The following RNF214 variants were observed in gnomAD, a reference collection of about 807,000 sequenced individuals.
RNF214 encodes the protein ring finger protein 214.
In RNF214, 25 loss-of-function variants were observed where a neutral mutation model predicts 75.9. That is an observed-to-expected ratio of 0.33 (90% CI 0.24 to 0.46). The LOEUF is 0.46. Among genes scored for constraint, RNF214 ranks in the 20% least tolerant of loss-of-function variants. The probability of loss-of-function intolerance (pLI) is 1.00; values close to 1 mark genes in which losing one functional copy is unlikely to be tolerated. For synonymous variants in RNF214, 314 were observed against 308.8 expected, an observed-to-expected ratio of 1.02 and a Z score of -0.18; for missense variants, 725 against 857.5, an observed-to-expected ratio of 0.85 and a Z score of 1.93.
intron 6 of RNF214, among the ~76,000 whole-genome samples, chr11:117,266,162 C>T (rs1565342287): frequency 6.6e-6 from 1 of 152,108 alleles, no homozygotes; most frequent in Non-Finnish European, 1.5e-5. Flanking sequence ...GGACAATTCA[C>T]ATTCTCTTTC....
intron 6 of RNF214, among the ~76,000 whole-genome samples, chr11:117,277,981 A>G (rs992932109): frequency 2.0e-5 from 3 of 151,860 alleles, no homozygotes; most frequent in African/African-American, 7.3e-5. Context: ...CTCAAAAAAA[A>G]AAAAAGAAAA....
chr11:117,244,481 C>T lies in RNF214; in HGVS notation c.715C>T (p.Arg239Cys), dbSNP rs1235079855. ...GACAGAGAGAACCCTGTTGAAAGAG[C>T]GTTACCAGGAGGTCCTGGACAAACA... ...MMTERTLLKE[R>C]YQEVLDKQRQ... Residue 239 changes from arginine (R) to cysteine (C), a missense_variant, in exon 5 of 15, where the codon CGT (arginine) becomes TGT (cysteine). Arg to Cys is a radical substitution (Grantham distance 180). This residue lies in a region of RNF214 where 362 missense variants were observed against 344.5 expected (regional missense o/e 1.05). Transcript: ENST00000300650. 9 of 1,611,432 alleles carry T rather than the reference C, an allele frequency of 5.6e-6. No homozygotes were observed. The highest frequency in any genetic ancestry group is 4.5e-5 in the East Asian group (2 of 44,820).
intron 6 of RNF214, among the ~76,000 whole-genome samples, chr11:117,272,575 G>A (rs1345342549): frequency 1.3e-5 from 2 of 151,632 alleles, no homozygotes. Flanking sequence ...TACATATTCT[G>A]CACTAGTATT....
chr11:117,258,673 A>T (rs2033585929), intron 6 of RNF214, among the ~76,000 whole-genome samples: 1 of 152,076 alleles, frequency 6.6e-6, no homozygotes, highest in African/African-American at 2.4e-5. Flanking sequence ...AGTTTTGACA[A>T]ATGTATGCAC....
chr11:117,251,771 G>A (rs905840549), intron 6 of RNF214, among the ~76,000 whole-genome samples: 1 of 152,198 alleles, frequency 6.6e-6, no homozygotes, highest in African/African-American at 2.4e-5. Flanking sequence ...CTTTTATACT[G>A]TGTTAAGGAG....
intron 6 of RNF214, among the ~76,000 whole-genome samples, chr11:117,256,220 C>G (rs1419736930): frequency 6.6e-6 from 1 of 152,208 alleles, no homozygotes; most frequent in Non-Finnish European, 1.5e-5. Flanking sequence ...CATAACACTT[C>G]TTCGTGGCCT....
chr11:117,240,611 C>A (rs1250843222), intron 4 of RNF214, among the ~76,000 whole-genome samples: 1 of 151,624 alleles, frequency 6.6e-6, no homozygotes, highest in Non-Finnish European at 1.5e-5. Context: ...TGGCTTGAAC[C>A]CAGGAGGCAG....
At chr11:117,245,496 C>T (rs542393395) in intron 5 of RNF214, among the ~76,000 whole-genome samples, 46 of 151,628 alleles carry the variant, frequency 3.0e-4, no homozygotes, top group East Asian at 6.0e-4. Flanking sequence ...CCCGCCACTA[C>T]GCCCGGCTAA....
chr11:117,239,732 G>T (rs2033019582), intron 3 of RNF214, 69 bp from the exon 4 acceptor site: 6 of 825,606 alleles, frequency 7.3e-6, no homozygotes, highest in Non-Finnish European at 8.4e-6. Context: ...CGGAATTCTA[G>T]GTGTTAGTGA....
intron 6 of RNF214, among the ~76,000 whole-genome samples, chr11:117,247,457 T>C (rs1362129967): frequency 6.6e-6 from 1 of 152,220 alleles, no homozygotes; most frequent in African/African-American, 2.4e-5. Flanking sequence ...ATTACGCCAC[T>C]GCACTCCAGC....
rs1203047616 is a variant in RNF214 at position 117,246,831 on chromosome 11, A to G, written c.842A>G (p.Asp281Gly). 4.4e-6 allele frequency: 7 copies of G among 1,607,236 alleles called. No homozygotes were observed. Among genetic ancestry groups the G allele is most frequent in the Non-Finnish European group, 5.1e-6 (6 of 1,176,200 alleles). ...NHQEILKAIQ[D>G]VTIKREETKK... ...CAGGAGATATTAAAGGCTATTCAGG[A>G]TGTGACAATAAAGCGGGAAGAAACA... The change falls in exon 6 of 15, where the codon GAT (aspartate) becomes GGT (glycine). Residue 281 changes from aspartate to glycine, a missense_variant. Asp to Gly is a moderately conservative substitution (Grantham distance 94, BLOSUM62 -1). Around this residue, in one of 2 missense-constraint regions of RNF214, gnomAD observed 362 missense variants for 344.5 expected, o/e 1.05. Coordinates refer to ENST00000300650, the MANE Select transcript of RNF214 (RefSeq NM_207343.4).
intron 8 of RNF214, among the ~76,000 whole-genome samples, chr11:117,280,982 C>CTTT (rs57955215): frequency 0.028 from 2,468 of 87,950 alleles, 115 homozygotes; most frequent in Non-Finnish European, 0.041. Context: ...AGGAATAGGG[C>CTTT]TTTTTTTTTT....
chr11:117,252,518 G>A (rs989205440), intron 6 of RNF214, among the ~76,000 whole-genome samples: 4 of 152,012 alleles, frequency 2.6e-5, no homozygotes, highest in Admixed American at 1.3e-4. Context: ...TTTATGAACT[G>A]AATCTGAATT....
At chr11:117,257,106 G>A (rs2033544019) in intron 6 of RNF214, among the ~76,000 whole-genome samples, 1 of 152,304 alleles carries the variant, frequency 6.6e-6, no homozygotes, top group East Asian at 1.9e-4. Flanking sequence ...GGAGGCCAAA[G>A]TAGGAGGATT....
chr11:117,248,318 C>T (rs1237238276), intron 6 of RNF214, among the ~76,000 whole-genome samples: 5 of 152,186 alleles, frequency 3.3e-5, no homozygotes, highest in African/African-American at 4.8e-5. Context: ...CCTCATGATC[C>T]GCCTGCCTCG....
chr11:117,262,183 T>G (rs2033681536), intron 6 of RNF214, among the ~76,000 whole-genome samples: 1 of 151,426 alleles, frequency 6.6e-6, no homozygotes, highest in Non-Finnish European at 1.5e-5. Flanking sequence ...GCCTCCCGGG[T>G]TCACACCATT....
At chr11:117,262,244 G>A (rs1480378690) in intron 6 of RNF214, among the ~76,000 whole-genome samples, 1 of 151,492 alleles carries the variant, frequency 6.6e-6, no homozygotes, top group Non-Finnish European at 1.5e-5. Context: ...CCGCCACCAC[G>A]CCCGGCTAAT....
chr11:117,244,670 A>G, intron 5 of RNF214, 85 bp downstream of exon 5: 6 of 1,047,842 alleles, frequency 5.7e-6, no homozygotes, highest in Non-Finnish European at 7.8e-6. Flanking sequence ...TTATTTATTT[A>G]TTTATTTATT....
chr11:117,241,339 T>C (rs2033074258), intron 4 of RNF214, among the ~76,000 whole-genome samples: 2 of 151,984 alleles, frequency 1.3e-5, no homozygotes, highest in South Asian at 2.1e-4. Flanking sequence ...CCTAGCACTT[T>C]GGGAGGCCGA....
Sources: gnomAD v4.1 joint callset for allele counts (sites outside exome capture counted in the v4.1 genomes callset) on GRCh38, gnomAD v4.1.1 for gene constraint, gnomAD v4.1.1 regional missense constraint, MANE v1.5 for transcripts, NCBI Gene and HGNC (gene_info 2026-07-23, HGNC 2026-07-21) for gene names.